TAFA3: variants seen among roughly 807,000 people sequenced by gnomAD.
TAFA3 encodes the protein TAFA chemokine like family member 3.
Under a neutral mutation model 20.7 loss-of-function variants are expected in TAFA3, and 17 were observed. That is an observed-to-expected ratio of 0.82 (90% CI 0.56 to 1.23). The LOEUF (loss-of-function observed/expected upper bound fraction) is 1.23, where lower values mean the gene tolerates loss of function less well. TAFA3 is among the 50% of genes most tolerant of loss of function. The pLI is 0.00. For synonymous variants in TAFA3, 74 were observed against 71.8 expected (o/e 1.03, Z -0.16); for missense variants, 174 against 172.8 (o/e 1.01, Z -0.04).
chr1:112,723,448 C>T (rs1344139875), intron 4 of TAFA3, among the ~76,000 whole-genome samples: 2 of 152,156 alleles, frequency 1.3e-5, no homozygotes, highest in East Asian at 3.9e-4. Flanking sequence ...CCTCTCCCCA[C>T]ACACTTCCTC....
chr1:112,726,653 A>G lies in TAFA3; in HGVS notation c.*13A>G, dbSNP rs771271050. The G allele has an allele frequency of 8.7e-6, 14 of 1,613,948 alleles. No individual in the cohort carries two copies. In the South Asian group the frequency reaches 1.4e-4, roughly 16 times the overall value. On this transcript the variant is annotated 3_prime_UTR_variant, in exon 6 of 6. Coordinates refer to ENST00000361886, the MANE Select transcript of TAFA3 (RefSeq NM_182759.3). ...GGTCACACGATAGCTCTTGGGGGTCACGGCCTGGACAAGAAAGGCTTGACT... is the reference window on the plus strand; with the variant it reads ...GGTCACACGATAGCTCTTGGGGGTCGCGGCCTGGACAAGAAAGGCTTGACT...
At chr1:112,726,092 A>T (rs1675464548) in intron 5 of TAFA3, among the ~76,000 whole-genome samples, 1 of 152,192 alleles carries the variant, frequency 6.6e-6, no homozygotes, top group Admixed American at 6.5e-5. Context: ...AGCAGAGATC[A>T]TGCCACTGCA....
At position 112,723,132 on chromosome 1, in the gene TAFA3, G is replaced by C; in HGVS notation, c.232G>C (p.Gly78Arg). 11 of 1,613,186 alleles carry C rather than the reference G, an allele frequency of 6.8e-6. No individual in the cohort carries two copies. The highest frequency in any genetic ancestry group is 8.5e-6 in the Non-Finnish European group (10 of 1,179,824). Residue 78 changes from glycine to arginine, a missense_variant, in exon 4 of 6, where the codon GGC becomes CGC. Gly to Arg is a moderately radical substitution (Grantham distance 125). Transcript: ENST00000361886. ...CTCCTGTTTTTCTGGCCAGGTGGCC[G>C]GCACCACGCGGGCAAAGCCCTCCTG... is the stretch of plus-strand genomic sequence containing the variant. ...KCSCFSGQVA[G>R]TTRAKPSCVD...
intron 5 of TAFA3, among the ~76,000 whole-genome samples, chr1:112,725,404 A>AACC (rs772612872): frequency 0.012 from 896 of 71,948 alleles, 11 homozygotes; most frequent in African/African-American, 0.041. Flanking sequence ...TTAAAAAAAA[A>AACC]AAAAAAAAAA....
chr1:112,724,816 C>A (rs1181153954), intron 5 of TAFA3, among the ~76,000 whole-genome samples: 31 of 22,652 alleles, frequency 1.4e-3, no homozygotes, highest in South Asian at 3.4e-3. Flanking sequence ...ATTAGAGCAG[C>A]AAAAAAAAAA....
At chr1:112,722,929 G>A in intron 3 of TAFA3, 87 bp from the exon 4 acceptor site, 2 of 1,490,680 alleles carry the variant, frequency 1.3e-6, no homozygotes, top group Middle Eastern at 5.0e-4. Context: ...CCTGCAGCAG[G>A]GAGGAGGGGC....
At chr1:112,721,699 G>A (rs1189374617) in intron 2 of TAFA3, among the ~76,000 whole-genome samples, 1 of 152,164 alleles carries the variant, frequency 6.6e-6, no homozygotes, top group Non-Finnish European at 1.5e-5. Flanking sequence ...ATCACTGCAT[G>A]TGTCAGGACA....
At chr1:112,723,217 G>GC in intron 4 of TAFA3, 52 bp downstream of exon 4, 1 of 1,566,434 alleles carries the variant, frequency 6.4e-7, no homozygotes. Flanking sequence ...CCATAAGGAG[G>GC]CCTGTTCAGG....
intron 5 of TAFA3, among the ~76,000 whole-genome samples, chr1:112,724,799 A>AC (rs1675422898): frequency 1.4e-5 from 2 of 140,102 alleles, no homozygotes; most frequent in Admixed American, 7.4e-5. Context: ...AAAAAAAAAA[A>AC]CAACATATTA....
At chr1:112,725,393 A>C (rs1675442099) in intron 5 of TAFA3, among the ~76,000 whole-genome samples, 1 of 117,534 alleles carries the variant, frequency 8.5e-6, no homozygotes. Context: ...AAGTTGAAAT[A>C]TTAAAAAAAA....
At chr1:112,720,030 T>C (rs1382495359) in intron 1 of TAFA3, among the ~76,000 whole-genome samples, 1 of 152,174 alleles carries the variant, frequency 6.6e-6, no homozygotes, top group African/African-American at 2.4e-5. Flanking sequence ...GGCTGTGGCC[T>C]TCAAAGGCTC....
intron 5 of TAFA3, among the ~76,000 whole-genome samples, chr1:112,725,313 T>G (rs529146942): frequency 2.7e-5 from 4 of 148,764 alleles, no homozygotes; most frequent in Non-Finnish European, 5.9e-5. Flanking sequence ...TCAATGGCAC[T>G]CCAAACCTCA....
In TAFA3 at chr1:112,722,269, C is replaced by G. The variant is rs766061757; in HGVS notation, c.36C>G (p.Gly12=). 1 of 1,614,084 alleles carries G rather than the reference C, an allele frequency of 6.2e-7. No homozygotes were observed. Among genetic ancestry groups the G allele is most frequent in the East Asian group, 2.2e-5 (1 of 44,880 alleles). The change falls in exon 3 of 6, where the codon GGC becomes GGG. Residue 12 remains glycine (G), a synonymous_variant. Coordinates refer to ENST00000361886, the MANE Select transcript of TAFA3 (RefSeq NM_182759.3). ...SERVERNWST[G]GWLLALCLAW... Reference sequence around the variant, plus strand: ...GGGTCGAGCGGAACTGGAGCACGGGCGGCTGGCTGCTGGCACTGTGCCTGG... The same window carrying G: ...GGGTCGAGCGGAACTGGAGCACGGGGGGCTGGCTGCTGGCACTGTGCCTGG...
rs577612586 is a variant in TAFA3, at chr1:112,719,319, G to A, written c.-60+20G>A. Among the ~76,000 whole-genome samples the A allele has an allele frequency of 3.9e-5, 6 of 152,352 alleles. No individual in the cohort carries two copies. In the South Asian group the frequency reaches 1.0e-3, roughly 26 times the overall value. ...GACCAGGTAGGTCCCAGGTGTGGGG[G>A]CTCAGAATGTGGAGGAATGAGTAGG... On this transcript the variant is annotated intron_variant, in intron 1 of 5. Coordinates refer to ENST00000361886, the MANE Select transcript of TAFA3 (RefSeq NM_182759.3).
rs767494724 is a variant in TAFA3 at position 112,722,260 on chromosome 1, G to C, written c.27G>C (p.Trp9Cys). 1 of 1,614,130 alleles carries C rather than the reference G, an allele frequency of 6.2e-7. No individual in the cohort carries two copies. ...TGAGTGAGAGGGTCGAGCGGAACTG[G>C]AGCACGGGCGGCTGGCTGCTGGCAC... MSERVERN[W>C]STGGWLLALC... The change falls in exon 3 of 6, where the codon TGG (tryptophan) becomes TGC (cysteine). Residue 9 changes from tryptophan (W) to cysteine (C), a missense_variant. Transcript: ENST00000361886.
intron 2 of TAFA3, 49 bp from the exon 3 acceptor site, chr1:112,722,184 A>C (rs755977538): frequency 1.3e-6 from 2 of 1,592,234 alleles, no homozygotes. Flanking sequence ...CCAGGTGCAC[A>C]GGGGAGCTTC....
At chr1:112,722,469 T>C (rs1039816743) in intron 3 of TAFA3, 121 bp downstream of exon 3, 13 of 806,902 alleles carry the variant, frequency 1.6e-5, no homozygotes, top group Non-Finnish European at 2.3e-5. Flanking sequence ...CCAGAGATTC[T>C]AGGGGTTCCG....
chr1:112,719,817 GCC>G (rs1002810484), intron 1 of TAFA3, among the ~76,000 whole-genome samples: 2 of 152,114 alleles, frequency 1.3e-5, no homozygotes, highest in African/African-American at 4.8e-5. Context: ...GGGAAGCTCA[GCC>G]CAGGGAGCAC....
chr1:112,724,811 A>C (rs1675423482), intron 5 of TAFA3, among the ~76,000 whole-genome samples: 1 of 103,204 alleles, frequency 9.7e-6, no homozygotes, highest in African/African-American at 3.7e-5. Context: ...AACATATTAG[A>C]GCAGCAAAAA....
Sources: allele counts gnomAD v4.1 joint callset (sites outside exome capture counted in the v4.1 genomes callset), GRCh38; gene constraint gnomAD v4.1.1; transcripts MANE v1.5; gene names NCBI Gene and HGNC (gene_info 2026-07-23, HGNC 2026-07-21).